The following RORA variants were observed in gnomAD, a reference collection of about 807,000 sequenced individuals.
The protein encoded by RORA is nuclear receptor ROR-alpha.
In RORA, 7 loss-of-function variants were observed where a neutral mutation model predicts 69.5. The ratio of observed to expected loss-of-function variants is 0.10; its 90% CI spans 0.06 to 0.19. The LOEUF (loss-of-function observed/expected upper bound fraction) is 0.19. Ranked by LOEUF, RORA falls within the 10% of genes least tolerant of loss-of-function variation. The probability of loss-of-function intolerance (pLI) is 1.00; values close to 1 mark genes in which losing one functional copy is unlikely to be tolerated. For synonymous variants in RORA, 261 were observed against 240.8 expected (o/e 1.08, Z -0.78); for missense variants, 457 against 663.0 (o/e 0.69, Z 3.41).
intron 1 of RORA, among the ~76,000 whole-genome samples, chr15:61,095,721 A>G (rs1329013703): frequency 6.6e-6 from 1 of 152,242 alleles, no homozygotes; most frequent in Non-Finnish European, 1.5e-5. Flanking sequence ...ATTACAAATA[A>G]GGATGCTTGT....
intron 1 of RORA, among the ~76,000 whole-genome samples, chr15:61,200,351 G>A (rs1056523404): frequency 6.6e-6 from 1 of 152,116 alleles, no homozygotes; most frequent in Non-Finnish European, 1.5e-5. Context: ...ATCCAGGGCA[G>A]GCAAAGGCAT....
At chr15:60,910,139 C>A (rs1416742536) in intron 1 of RORA, among the ~76,000 whole-genome samples, 2 of 152,140 alleles carry the variant, frequency 1.3e-5, no homozygotes, top group East Asian at 3.9e-4. Context: ...AGAGTCAGAT[C>A]CATGAGGCTA....
chr15:61,066,540 C>T (rs1386381057), intron 1 of RORA, among the ~76,000 whole-genome samples: 1 of 150,510 alleles, frequency 6.6e-6, no homozygotes, highest in African/African-American at 2.4e-5. Context: ...AATTCTCCTG[C>T]CTCAGCTTCC....
chr15:61,129,802 T>C (rs371914871), intron 1 of RORA, among the ~76,000 whole-genome samples: 60 of 152,172 alleles, frequency 3.9e-4, no homozygotes, highest in African/African-American at 1.4e-3. Flanking sequence ...TCTTGAGATC[T>C]GCCTGCAACT....
At position 61,101,297 on chromosome 15, in the gene RORA, G is replaced by A. The variant is rs377338789; in HGVS notation, c.166+127756C>T. On this transcript the variant is annotated intron_variant, in intron 1 of 10. Coordinates refer to ENST00000335670, the MANE Select transcript of RORA (RefSeq NM_134261.3). ...AAGTAATCACATAAATGAATATCCAGTTGGAAATTGTAACAAAGTAAATGG... is the reference window on the plus strand; with the variant it reads ...AAGTAATCACATAAATGAATATCCAATTGGAAATTGTAACAAAGTAAATGG... Among the ~76,000 whole-genome samples the A allele has an allele frequency of 1.7e-3, 255 of 152,276 alleles. 3 individuals carry two copies. Among genetic ancestry groups the A allele is most frequent in the Middle Eastern group, 0.014 (4 of 294 alleles).
At chr15:60,517,183 C>T (rs2065993736) in intron 3 of RORA, among the ~76,000 whole-genome samples, 1 of 150,662 alleles carries the variant, frequency 6.6e-6, no homozygotes, top group Admixed American at 6.6e-5. Context: ...AGTGCACCTG[C>T]CTTCCTTTGT....
At chr15:60,617,187 A>G (rs2069267014) in intron 2 of RORA, among the ~76,000 whole-genome samples, 1 of 152,176 alleles carries the variant, frequency 6.6e-6, no homozygotes, top group African/African-American at 2.4e-5. Flanking sequence ...GCTCAGTGTT[A>G]TAGTCACAGA....
At chr15:60,962,525 C>T (rs1198288512) in intron 1 of RORA, among the ~76,000 whole-genome samples, 1 of 152,196 alleles carries the variant, frequency 6.6e-6, no homozygotes, top group Non-Finnish European at 1.5e-5. Context: ...CTTCTGAGAG[C>T]AGCCCCTCGA....
chr15:61,155,963 A>G (rs1349971459), intron 1 of RORA, among the ~76,000 whole-genome samples: 1 of 152,174 alleles, frequency 6.6e-6, no homozygotes, highest in African/African-American at 2.4e-5. Context: ...TTATACAGAG[A>G]AGACACCGTT....
intron 1 of RORA, among the ~76,000 whole-genome samples, chr15:61,165,295 G>A (rs776542627): frequency 2.0e-5 from 3 of 152,076 alleles, no homozygotes; most frequent in African/African-American, 4.8e-5. Context: ...TCATCCATTC[G>A]GATTACTTCT....
intron 1 of RORA, among the ~76,000 whole-genome samples, chr15:61,187,955 C>T (rs2079760251): frequency 6.6e-6 from 1 of 152,172 alleles, no homozygotes; most frequent in Admixed American, 6.5e-5. Context: ...CAACCCTCCC[C>T]TAACACACCC....
chr15:60,670,201 C>CTTTTT (rs60799050), intron 2 of RORA, among the ~76,000 whole-genome samples: 9 of 126,110 alleles, frequency 7.1e-5, no homozygotes, highest in Non-Finnish European at 1.1e-4. Flanking sequence ...TATCCTACCT[C>CTTTTT]TTTTTTTTTT....
chr15:60,622,290 T>C (rs1378644145), intron 2 of RORA, among the ~76,000 whole-genome samples: 2 of 151,950 alleles, frequency 1.3e-5, no homozygotes, highest in Non-Finnish European at 2.9e-5. Flanking sequence ...ATGTATAAAA[T>C]ACAAAAGATA....
chr15:60,740,109 TC>T (rs1412294197), intron 1 of RORA, among the ~76,000 whole-genome samples: 1 of 152,030 alleles, frequency 6.6e-6, no homozygotes, highest in African/African-American at 2.4e-5. Context: ...AGATTATCAC[TC>T]CCTTTTTTTT....
intron 1 of RORA, among the ~76,000 whole-genome samples, chr15:60,767,978 T>G (rs2072015629): frequency 6.6e-6 from 1 of 152,228 alleles, no homozygotes; most frequent in Non-Finnish European, 1.5e-5. Context: ...CACAGATGCC[T>G]GATATGCAGG....
intron 1 of RORA, among the ~76,000 whole-genome samples, chr15:60,809,742 G>A (rs577596585): frequency 1.3e-5 from 2 of 151,674 alleles, no homozygotes; most frequent in South Asian, 4.2e-4. Context: ...TCACCAATGG[G>A]GCATGTTATA....
At chr15:61,169,318 G>A (rs985771143) in intron 1 of RORA, among the ~76,000 whole-genome samples, 8 of 151,456 alleles carry the variant, frequency 5.3e-5, no homozygotes, top group East Asian at 1.9e-4. Flanking sequence ...CTGGCTTGAC[G>A]TTGATGCTAA....
intron 1 of RORA, among the ~76,000 whole-genome samples, chr15:60,781,341 C>A (rs748467681): frequency 6.6e-6 from 1 of 152,174 alleles, no homozygotes; most frequent in Non-Finnish European, 1.5e-5. Context: ...TGAGGCCACA[C>A]ACATAAGCGA....
chr15:61,186,738 C>G (rs922452772), intron 1 of RORA, among the ~76,000 whole-genome samples: 1 of 151,358 alleles, frequency 6.6e-6, no homozygotes, highest in Admixed American at 6.6e-5. Flanking sequence ...CTGCATTTTC[C>G]AAGAAGCCCC....
Sources: gnomAD v4.1 joint callset for allele counts (sites outside exome capture counted in the v4.1 genomes callset) on GRCh38, gnomAD v4.1.1 for gene constraint, MANE v1.5 for transcripts, NCBI Gene and HGNC (gene_info 2026-07-23, HGNC 2026-07-21) for gene names.